The following MAGI2 variants were observed in gnomAD, a reference collection of about 807,000 sequenced individuals.
The protein encoded by MAGI2 is membrane-associated guanylate kinase, WW and PDZ domain-containing protein 2.
MAGI2 carries 35 observed loss-of-function variants against 133.3 expected under a neutral mutation model. The observed-to-expected ratio is 0.26, with a 90% confidence interval of 0.20 to 0.35. The LOEUF (loss-of-function observed/expected upper bound fraction) is 0.35, where lower values mean the gene tolerates loss of function less well. Ranked by LOEUF, MAGI2 falls within the 10% of genes least tolerant of loss-of-function variation. MAGI2 has a pLI of 1.00. For synonymous variants in MAGI2, 729 were observed against 710.6 expected, an observed-to-expected ratio of 1.03 and a Z score of -0.41; for missense variants, 1,636 against 1,863.4, an observed-to-expected ratio of 0.88 and a Z score of 2.25.
At chr7:78,841,309 A>T (rs899754705) in intron 2 of MAGI2, among the ~76,000 whole-genome samples, 1 of 151,800 alleles carries the variant, frequency 6.6e-6, no homozygotes, top group African/African-American at 2.4e-5. Context: ...CAAACATGTG[A>T]CCCCTGGTCC....
At chr7:79,027,328 A>C (rs2116759647) in intron 1 of MAGI2, among the ~76,000 whole-genome samples, 1 of 149,818 alleles carries the variant, frequency 6.7e-6, no homozygotes, top group East Asian at 1.9e-4. Flanking sequence ...AGAAAATATT[A>C]TATATATATT....
chr7:78,869,759 C>T (rs1015721987), intron 2 of MAGI2, among the ~76,000 whole-genome samples: 4 of 152,114 alleles, frequency 2.6e-5, no homozygotes, highest in Non-Finnish European at 4.4e-5. Flanking sequence ...TCCTATAATC[C>T]GATCACCTCC....
intron 1 of MAGI2, among the ~76,000 whole-genome samples, chr7:79,425,717 T>C (rs943479583): frequency 2.3e-4 from 35 of 151,894 alleles, no homozygotes; most frequent in African/African-American, 8.5e-4. Flanking sequence ...TATTATAGTC[T>C]TGTTATATCT....
chr7:79,123,213 C>G (rs538713531), intron 1 of MAGI2, among the ~76,000 whole-genome samples: 2 of 152,244 alleles, frequency 1.3e-5, no homozygotes, highest in East Asian at 3.9e-4. Context: ...TGAATGAAAA[C>G]AGAACATCCT....
intron 6 of MAGI2, among the ~76,000 whole-genome samples, chr7:78,474,862 T>C (rs1050933226): frequency 6.6e-6 from 1 of 151,832 alleles, no homozygotes; most frequent in Non-Finnish European, 1.5e-5. Flanking sequence ...CTCACAAACA[T>C]AGGGAAGTCA....
intron 4 of MAGI2, among the ~76,000 whole-genome samples, chr7:78,515,275 A>G (rs1161676325): frequency 1.3e-5 from 2 of 152,194 alleles, no homozygotes; most frequent in African/African-American, 4.8e-5. Flanking sequence ...CCATCTATCT[A>G]TCTTTGGTAT....
intron 1 of MAGI2, among the ~76,000 whole-genome samples, chr7:79,101,723 C>CAAA (rs376256842): frequency 1.5e-4 from 17 of 112,458 alleles, no homozygotes; most frequent in African/African-American, 2.6e-4. Context: ...GACTCTGTCA[C>CAAA]AAAAAAAAAA....
intron 2 of MAGI2, among the ~76,000 whole-genome samples, chr7:78,699,609 G>A (rs1817864562): frequency 6.6e-6 from 1 of 152,062 alleles, no homozygotes; most frequent in Admixed American, 6.6e-5. Context: ...TCAGGATAAG[G>A]TGTACTCAAC....
At chr7:78,492,968 A>G (rs1336573996) in intron 5 of MAGI2, among the ~76,000 whole-genome samples, 1 of 152,196 alleles carries the variant, frequency 6.6e-6, no homozygotes, top group Non-Finnish European at 1.5e-5. Flanking sequence ...ATGATCATGA[A>G]AAGTGAGAGG....
At chr7:79,420,813 A>G (rs1283479387) in intron 1 of MAGI2, among the ~76,000 whole-genome samples, 1 of 152,026 alleles carries the variant, frequency 6.6e-6, no homozygotes, top group Non-Finnish European at 1.5e-5. Context: ...CTTTACTCTG[A>G]CATCATATGA....
chr7:79,384,189 A>G (rs189672812), intron 1 of MAGI2, among the ~76,000 whole-genome samples: 130 of 151,652 alleles, frequency 8.6e-4, no homozygotes, highest in African/African-American at 3.0e-3. Flanking sequence ...CCAAAGGTGA[A>G]TATTTATGCA....
Position 78,124,699 on chromosome 7 carries a change from A to AAC in MAGI2, c.3567+993_3567+994dup, listed in dbSNP as rs1820796240. On this transcript the variant is annotated intron_variant, in intron 20 of 21. Transcript: ENST00000354212. ...ATACACCGACACACACACACACACA[A>AAC]ACACACAGAGAGAGTAAAGAGACTA... 2.0e-5 allele frequency among the ~76,000 whole-genome samples: 3 copies of AAC among 151,272 alleles called. No homozygotes were observed. The South Asian group carries it at 6.2e-4, about 31-fold the overall frequency.
chr7:79,034,315 C>T (rs10226710), intron 1 of MAGI2, among the ~76,000 whole-genome samples: 16,186 of 152,038 alleles, frequency 0.11, 1,111 homozygotes, highest in African/African-American at 0.2. Flanking sequence ...TCAAATGTAA[C>T]GTAATGATCT....
At chr7:78,547,667 T>A (rs987833757) in intron 3 of MAGI2, among the ~76,000 whole-genome samples, 2 of 152,154 alleles carry the variant, frequency 1.3e-5, no homozygotes, top group African/African-American at 4.8e-5. Flanking sequence ...ACACACACAC[T>A]CACTCAGATT....
At chr7:79,419,207 T>C (rs112196273) in intron 1 of MAGI2, among the ~76,000 whole-genome samples, 7,187 of 152,112 alleles carry the variant, frequency 0.047, 239 homozygotes, top group Non-Finnish European at 0.075. Flanking sequence ...TCAGTAAAGA[T>C]TATCCTTCAT....
At chr7:78,425,979 C>T (rs912110512) in intron 6 of MAGI2, among the ~76,000 whole-genome samples, 1 of 152,074 alleles carries the variant, frequency 6.6e-6, no homozygotes, top group African/African-American at 2.4e-5. Flanking sequence ...AAAATTGTGA[C>T]CTGTAGTTAA....
Position 78,311,308 on chromosome 7 carries a change from C to T in MAGI2, c.1408+32470G>A, listed in dbSNP as rs866059297. Among the ~76,000 whole-genome samples the T allele has an allele frequency of 2.2e-4, 34 of 152,280 alleles. 1 individual carries two copies. Among genetic ancestry groups the T allele is most frequent in the South Asian group, 1.5e-3 (7 of 4,818 alleles). Reference sequence around the variant, plus strand: ...AGGGTGGAAAAGAGGAACAGTTGAGCAATGCCATAGAACAAGGGAAGGCAG... The same window carrying T: ...AGGGTGGAAAAGAGGAACAGTTGAGTAATGCCATAGAACAAGGGAAGGCAG... On this transcript the variant is annotated intron_variant, in intron 9 of 21. Coordinates refer to ENST00000354212, the MANE Select transcript of MAGI2 (RefSeq NM_012301.4).
chr7:78,154,571 A>C (rs1007140894), intron 16 of MAGI2, among the ~76,000 whole-genome samples: 1 of 152,276 alleles, frequency 6.6e-6, no homozygotes. Context: ...TTGTTATCCT[A>C]TATCTAAGTT....
At chr7:78,177,982 A>G (rs142060439) in intron 14 of MAGI2, 29 bp downstream of exon 14, 33 of 1,507,342 alleles carry the variant, frequency 2.2e-5, no homozygotes, top group African/African-American at 4.1e-5. Context: ...TACAGCCCCA[A>G]GCATGGAAAT....
Sources: gnomAD v4.1 joint callset for allele counts (sites outside exome capture counted in the v4.1 genomes callset) on GRCh38, gnomAD v4.1.1 for gene constraint, MANE v1.5 for transcripts, NCBI Gene and HGNC (gene_info 2026-07-23, HGNC 2026-07-21) for gene names.